The following SDK1 variants were observed in gnomAD, a reference collection of about 807,000 sequenced individuals.
SDK1 encodes sidekick cell adhesion molecule 1, also known as protein sidekick-1.
SDK1 carries 157 observed loss-of-function variants against 245.5 expected under a neutral mutation model. That is an observed-to-expected ratio of 0.64 (90% CI 0.56 to 0.73). SDK1 has a LOEUF of 0.73. Among genes scored for constraint, SDK1 ranks in the 30% least tolerant of loss-of-function variants. The probability of loss-of-function intolerance (pLI) is 0.00; values close to 1 mark genes in which losing one functional copy is unlikely to be tolerated. For missense variants in SDK1, 3,583 were observed against 3,002.3 expected, an observed-to-expected ratio of 1.19 and a Z score of -4.52; for synonymous variants, 1,647 against 1,278.5, an observed-to-expected ratio of 1.29 and a Z score of -6.15.
At chr7:3,304,943 G>A (rs989192916) in intron 1 of SDK1, among the ~76,000 whole-genome samples, 1 of 152,146 alleles carries the variant, frequency 6.6e-6, no homozygotes, top group Non-Finnish European at 1.5e-5. Flanking sequence ...CCCTCCAGGT[G>A]ATTCTCATGT....
chr7:3,650,598 T>A (rs572015379), intron 4 of SDK1, among the ~76,000 whole-genome samples: 13 of 152,330 alleles, frequency 8.5e-5, no homozygotes, highest in African/African-American at 3.1e-4. Flanking sequence ...TAAACTGTGT[T>A]ACGGTATCAC....
rs1417482438 is a variant in SDK1, at chr7:3,443,605, C to G, written c.298+141721C>G. Among the ~76,000 whole-genome samples, 3 of 152,170 alleles carry G rather than the reference C, an allele frequency of 2.0e-5. No homozygotes were observed. The South Asian group carries it at 6.2e-4, about 31-fold the overall frequency. On this transcript the variant is annotated intron_variant, in intron 1 of 44. Coordinates refer to ENST00000404826, the MANE Select transcript of SDK1 (RefSeq NM_152744.4). ...AGCTGAATTCCAAGTTTAAATGTTTCTCATACAGCCGGCATTAATTGGAGC... is the reference window on the plus strand; with the variant it reads ...AGCTGAATTCCAAGTTTAAATGTTTGTCATACAGCCGGCATTAATTGGAGC...
rs773413386 is a variant in SDK1, at chr7:4,119,200, A to T, written c.3823+4926A>T. Among the ~76,000 whole-genome samples the T allele has an allele frequency of 6.7e-5, 10 of 148,658 alleles. 1 individual carries two copies. Among genetic ancestry groups the T allele is most frequent in the Non-Finnish European group, 1.5e-4 (10 of 66,664 alleles). On this transcript the variant is annotated intron_variant, in intron 25 of 44. Coordinates refer to ENST00000404826, the MANE Select transcript of SDK1 (RefSeq NM_152744.4). ...GGCTGTGATTCGTACCTGTAATCCC[A>T]ACACTTTGAGAGGCAGAGGCAGGAG...
intron 1 of SDK1, among the ~76,000 whole-genome samples, chr7:3,382,162 G>T (rs2128567330): frequency 6.6e-6 from 1 of 151,086 alleles, no homozygotes; most frequent in South Asian, 2.1e-4. Context: ...GTAGAGACAG[G>T]GTCTACCTTT....
chr7:3,783,294 G>C (rs1780802608), intron 4 of SDK1, among the ~76,000 whole-genome samples: 1 of 152,086 alleles, frequency 6.6e-6, no homozygotes, highest in African/African-American at 2.4e-5. Flanking sequence ...CCTTTCCTCT[G>C]ACATAGACAA....
intron 4 of SDK1, among the ~76,000 whole-genome samples, chr7:3,669,686 C>G (rs1248089545): frequency 6.6e-6 from 1 of 152,144 alleles, no homozygotes; most frequent in African/African-American, 2.4e-5. Flanking sequence ...TAAGTTCATC[C>G]AAGCTCATCA....
rs558401821 is a variant in SDK1 at position 3,432,778 on chromosome 7, C to T, written c.298+130894C>T. 4.5e-4 allele frequency among the ~76,000 whole-genome samples: 69 copies of T among 152,224 alleles called. 2 individuals are homozygous for T. The South Asian group carries it at 0.014, about 31-fold the overall frequency. ...AGTTGCTTTTGAAAGAGTCAGTTTC[C>T]CTCCACAAATATGGCAACAAAATTC... On this transcript the variant is annotated intron_variant, in intron 1 of 44. Transcript: ENST00000404826.
intron 1 of SDK1, among the ~76,000 whole-genome samples, chr7:3,498,752 T>G (rs529894583): frequency 6.6e-6 from 1 of 151,940 alleles, no homozygotes; most frequent in Non-Finnish European, 1.5e-5. Context: ...TTTTCCCCTT[T>G]ACTCCCTCCA....
At chr7:3,827,763 C>T (rs1052312000) in intron 5 of SDK1, among the ~76,000 whole-genome samples, 2 of 152,122 alleles carry the variant, frequency 1.3e-5, no homozygotes, top group Admixed American at 6.5e-5. Flanking sequence ...CCTTCATGCT[C>T]TCCCTCCCCT....
intron 35 of SDK1, among the ~76,000 whole-genome samples, chr7:4,192,564 C>T (rs971225023): frequency 1.3e-5 from 2 of 152,142 alleles, no homozygotes; most frequent in Admixed American, 6.6e-5. Context: ...TGTGAGCCAC[C>T]GTGCCCAGCC....
intron 1 of SDK1, among the ~76,000 whole-genome samples, chr7:3,505,131 G>A (rs1782352098): frequency 6.6e-6 from 1 of 152,074 alleles, no homozygotes; most frequent in African/African-American, 2.4e-5. Flanking sequence ...AAGTAGGAAT[G>A]TTACTTTTTT....
chr7:3,812,089 A>C (rs1006415139), intron 4 of SDK1, among the ~76,000 whole-genome samples: 1 of 152,212 alleles, frequency 6.6e-6, no homozygotes, highest in Non-Finnish European at 1.5e-5. Context: ...TGTGTTCAAC[A>C]ACCATATTTT....
At chr7:3,460,854 C>G (rs1780812146) in intron 1 of SDK1, among the ~76,000 whole-genome samples, 1 of 152,078 alleles carries the variant, frequency 6.6e-6, no homozygotes, top group Non-Finnish European at 1.5e-5. Context: ...TGCTCTGTTT[C>G]TTGTCATTTG....
chr7:3,433,884 T>C (rs1168884285), intron 1 of SDK1, among the ~76,000 whole-genome samples: 5 of 152,218 alleles, frequency 3.3e-5, no homozygotes, highest in African/African-American at 7.2e-5. Context: ...TTAGACACAG[T>C]TTTACATGAA....
At chr7:3,452,534 C>G (rs1192423126) in intron 1 of SDK1, among the ~76,000 whole-genome samples, 4 of 152,208 alleles carry the variant, frequency 2.6e-5, no homozygotes, top group Admixed American at 6.5e-5. Context: ...AAATCAAAAC[C>G]TTTACTAATA....
chr7:4,246,721 C>T lies in SDK1; in HGVS notation c.6381+916C>T, dbSNP rs143755641. ...TCCAGACTTGGGATGTGTTCCTCTC[C>T]TCACCAAGCAGCTGGACCAGGGAGA... On this transcript the variant is annotated intron_variant, in intron 44 of 44. Coordinates refer to ENST00000404826, the MANE Select transcript of SDK1 (RefSeq NM_152744.4). Among the ~76,000 whole-genome samples, 252 of 152,218 alleles carry T rather than the reference C, an allele frequency of 1.7e-3. 1 individual carries two copies. Among genetic ancestry groups the T allele is most frequent in the African/African-American group, 5.9e-3 (243 of 41,524 alleles).
chr7:3,961,924 C>G (rs973255882), intron 8 of SDK1, among the ~76,000 whole-genome samples: 6 of 152,082 alleles, frequency 3.9e-5, no homozygotes, highest in African/African-American at 1.4e-4. Flanking sequence ...CACAGATGTA[C>G]ACACACATAT....
chr7:3,910,844 C>T (rs1583550575), intron 5 of SDK1, among the ~76,000 whole-genome samples: 1 of 152,278 alleles, frequency 6.6e-6, no homozygotes, highest in African/African-American at 2.4e-5. Context: ...TGTTAAATCC[C>T]CAGTTAGTCC....
chr7:3,472,603 A>G (rs1020928058), intron 1 of SDK1, among the ~76,000 whole-genome samples: 4 of 152,226 alleles, frequency 2.6e-5, no homozygotes, highest in African/African-American at 9.6e-5. Flanking sequence ...TTACTTCCCT[A>G]TGTCAAGGCC....
Sources: allele counts gnomAD v4.1 joint callset (sites outside exome capture counted in the v4.1 genomes callset), GRCh38; gene constraint gnomAD v4.1.1; transcripts MANE v1.5; gene names NCBI Gene and HGNC (gene_info 2026-07-23, HGNC 2026-07-21).